EPHB2: variants seen among roughly 807,000 people sequenced by gnomAD.
EPHB2 encodes EPH receptor B2.
Under a neutral mutation model 96.4 loss-of-function variants are expected in EPHB2, and 18 were observed. That is an observed-to-expected ratio of 0.19 (90% CI 0.13 to 0.28). The LOEUF is 0.28. Ranked by LOEUF, EPHB2 falls within the 10% of genes least tolerant of loss-of-function variation. The pLI is 1.00. For synonymous variants in EPHB2, 506 were observed against 534.1 expected, an observed-to-expected ratio of 0.95 and a Z score of 0.72; for missense variants, 989 against 1,355.4, an observed-to-expected ratio of 0.73 and a Z score of 4.25.
chr1:22,887,821 A>G (rs309475), intron 6 of EPHB2, among the ~76,000 whole-genome samples: 86,891 of 151,992 alleles, frequency 0.57, 25,744 homozygotes, highest in African/African-American at 0.72. Flanking sequence ...TTAACAGAAA[A>G]TGAAGAGGAA....
In EPHB2 at chr1:22,896,455, T is replaced by A. The variant is rs1412469420; in HGVS notation, c.1742T>A (p.Leu581Gln). 1 of 1,614,020 alleles carries A rather than the reference T, an allele frequency of 6.2e-7. No individual in the cohort carries two copies. ...GCTGACTCGGAGTACACGGACAAGC[T>A]GCAACACTACACCAGTGGCCACAGT... ...ERADSEYTDK[L>Q]QHYTSGHMTP... Residue 581 changes from leucine (L) to glutamine (Q), a missense_variant, in exon 9 of 16, where the codon CTG becomes CAG. Coordinates refer to ENST00000374630, the MANE Select transcript of EPHB2 (RefSeq NM_017449.5).
intron 3 of EPHB2, among the ~76,000 whole-genome samples, chr1:22,841,076 A>G (rs1304626700): frequency 6.6e-6 from 1 of 151,684 alleles, no homozygotes; most frequent in African/African-American, 2.4e-5. Context: ...GGTGCCCACC[A>G]CATAGCAGGT....
At chr1:22,909,272 A>G (rs751918036) in intron 13 of EPHB2, 101 bp downstream of exon 13, 2 of 1,579,668 alleles carry the variant, frequency 1.3e-6, no homozygotes, top group African/African-American at 2.7e-5. Flanking sequence ...AGTGTGGGAC[A>G]TAGGCTTCTG....
chr1:22,906,629 G>T lies in EPHB2; in HGVS notation c.1889-81G>T, dbSNP rs1197363138. 1 of 1,601,160 alleles carries T rather than the reference G, an allele frequency of 6.2e-7. No individual in the cohort carries two copies. The highest frequency in any genetic ancestry group is 8.5e-7 in the Non-Finnish European group (1 of 1,174,030). On this transcript the variant is annotated intron_variant, in intron 10 of 15. Coordinates refer to ENST00000374630, the MANE Select transcript of EPHB2 (RefSeq NM_017449.5). This position sits in a 1 kb window ranked among gnomAD's most constrained non-coding sequence, Gnocchi z 4.8. The stretch of plus-strand genomic sequence containing the variant: ...AAGAAAATGTACCTGCAGGCCCCGT[G>T]AGTGGACATGACAGGGAACAGGAAG...
intron 3 of EPHB2, among the ~76,000 whole-genome samples, chr1:22,797,163 C>T (rs1185114089): frequency 6.6e-6 from 1 of 152,094 alleles, no homozygotes; most frequent in African/African-American, 2.4e-5. Context: ...CGGGGGTCAC[C>T]GGGTTGGTTT....
Position 22,814,622 on chromosome 1 carries a change from G to A in EPHB2, c.811+29546G>A, listed in dbSNP as rs1409723154. On this transcript the variant is annotated intron_variant, in intron 3 of 15. Transcript: ENST00000374630. ...TTACAGATGAGGCCACTGAGGCTCA[G>A]AAAGGTGAATGCACTGCTTAAGGTC... Among the ~76,000 whole-genome samples the A allele has an allele frequency of 3.3e-5, 5 of 152,298 alleles. No homozygotes were observed. In the South Asian group the frequency reaches 8.3e-4, roughly 25 times the overall value.
At position 22,906,205 on chromosome 1, in the gene EPHB2, A is replaced by G; in HGVS notation, c.1888+96A>G. 6.3e-7 allele frequency: 1 copy of G among 1,586,200 alleles called. No homozygotes were observed. Among genetic ancestry groups the G allele is most frequent in the Non-Finnish European group, 8.6e-7 (1 of 1,164,108 alleles). On this transcript the variant is annotated intron_variant, in intron 10 of 15. Coordinates refer to ENST00000374630, the MANE Select transcript of EPHB2 (RefSeq NM_017449.5). The surrounding 1 kb of genome is among the most constrained non-coding windows in gnomAD (Gnocchi z 4.8). Reference sequence around the variant, plus strand: ...CTTGGGGCAGAAGGTAGGATGTGGGACAGGCGCCTCAAAGGACCCCCCAAG... The same window carrying G: ...CTTGGGGCAGAAGGTAGGATGTGGGGCAGGCGCCTCAAAGGACCCCCCAAG...
chr1:22,774,266 AC>A (rs1462959825), intron 1 of EPHB2, among the ~76,000 whole-genome samples: 1 of 152,088 alleles, frequency 6.6e-6, no homozygotes, highest in Non-Finnish European at 1.5e-5. Context: ...GTAAGTTCAC[AC>A]GTCGGGCACT....
At chr1:22,744,477 A>T (rs1409993174) in intron 1 of EPHB2, among the ~76,000 whole-genome samples, 1 of 148,636 alleles carries the variant, frequency 6.7e-6, no homozygotes, top group South Asian at 2.1e-4. Context: ...TATATATATA[A>T]TATACTGTAT....
intron 3 of EPHB2, among the ~76,000 whole-genome samples, chr1:22,812,644 C>G (rs1323407171): frequency 6.6e-6 from 1 of 152,206 alleles, no homozygotes; most frequent in African/African-American, 2.4e-5. Flanking sequence ...TCATGTTGAG[C>G]TGGGTCCTGG....
chr1:22,834,720 T>A (rs899053728), intron 3 of EPHB2, among the ~76,000 whole-genome samples: 5 of 151,074 alleles, frequency 3.3e-5, no homozygotes, highest in Non-Finnish European at 4.4e-5. Context: ...AGGGCAAGAG[T>A]TTGAGACCAG....
chr1:22,734,805 G>A (rs1643791448), intron 1 of EPHB2, among the ~76,000 whole-genome samples: 1 of 152,138 alleles, frequency 6.6e-6, no homozygotes, highest in Non-Finnish European at 1.5e-5. Context: ...GCTATGAACT[G>A]CCCCCTCCTA....
chr1:22,796,656 C>T (rs1242766040), intron 3 of EPHB2, among the ~76,000 whole-genome samples: 1 of 152,238 alleles, frequency 6.6e-6, no homozygotes, highest in African/African-American at 2.4e-5. Flanking sequence ...AATGACTTGT[C>T]TGGGGACCGG....
intron 1 of EPHB2, among the ~76,000 whole-genome samples, chr1:22,749,430 C>T (rs541198800): frequency 2.0e-5 from 3 of 152,294 alleles, no homozygotes; most frequent in Non-Finnish European, 2.9e-5. Context: ...TCTCTACCCC[C>T]AACACTGCCT....
intron 3 of EPHB2, among the ~76,000 whole-genome samples, chr1:22,828,775 C>T (rs1054217636): frequency 2.0e-5 from 3 of 152,180 alleles, no homozygotes; most frequent in Non-Finnish European, 4.4e-5. Flanking sequence ...AGCACTAAGA[C>T]GACTAGGCAC....
intron 2 of EPHB2, among the ~76,000 whole-genome samples, chr1:22,782,241 T>C (rs1644543597): frequency 1.3e-5 from 2 of 152,232 alleles, no homozygotes; most frequent in East Asian, 1.9e-4. Context: ...CTCACAAGAC[T>C]GTTGCGAGGT....
rs537023747 is a variant in EPHB2, at chr1:22,881,782, G to A, written c.1304-577G>A. On this transcript the variant is annotated intron_variant, in intron 5 of 15. Transcript: ENST00000374630. The stretch of plus-strand genomic sequence containing the variant: ...CTAATTTTGTATTTTTAGTAGACAC[G>A]GGGTTTCACCATGTTGGCAAGGCTG... Among the ~76,000 whole-genome samples, 90 of 152,018 alleles carry A rather than the reference G, an allele frequency of 5.9e-4. 1 individual carries two copies. The highest frequency in any genetic ancestry group is 1.1e-3 in the Non-Finnish European group (78 of 68,008).
intron 3 of EPHB2, among the ~76,000 whole-genome samples, chr1:22,843,086 G>A (rs979007237): frequency 2.6e-5 from 4 of 152,210 alleles, no homozygotes; most frequent in Non-Finnish European, 5.9e-5. Flanking sequence ...TATCGTATCT[G>A]TTGAGTGAAG....
rs979140113 is a variant in EPHB2 at position 22,915,620 on chromosome 1, G to A, written c.*2050G>A. On this transcript the variant is annotated 3_prime_UTR_variant, in exon 16 of 16. Coordinates refer to ENST00000374630, the MANE Select transcript of EPHB2 (RefSeq NM_017449.5). ...TACATAAGTAGCAGAGAATTGACGA[G>A]AGTGCACTCGGAAGAGGGTCTGAGT... The A allele has an allele frequency of 6.6e-6, 1 of 152,262 alleles. No homozygotes were observed. The highest frequency in any genetic ancestry group is 1.5e-5 in the Non-Finnish European group (1 of 68,070). The allele number at this position is 152,262 out of a possible 1,614,324, so 9.4% of individuals were successfully genotyped here.
Sources: allele counts gnomAD v4.1 joint callset (sites outside exome capture counted in the v4.1 genomes callset), GRCh38; gene constraint gnomAD v4.1.1; non-coding constraint Gnocchi (gnomAD v3.1); transcripts MANE v1.5; gene names NCBI Gene and HGNC (gene_info 2026-07-23, HGNC 2026-07-21).